SLC22A2: variants seen among roughly 807,000 people sequenced by gnomAD.
SLC22A2 encodes the protein solute carrier family 22 member 2, also known as organic cation transporter 2.
A neutral mutation model predicts 60.5 loss-of-function variants in SLC22A2; 46 were observed. The ratio of observed to expected loss-of-function variants is 0.76; its 90% CI spans 0.60 to 0.97. The LOEUF is 0.97. Ranked by LOEUF, SLC22A2 falls within the 50% of genes least tolerant of loss-of-function variation. SLC22A2 has a pLI of 0.00. For synonymous variants in SLC22A2, 303 were observed against 267.0 expected, an observed-to-expected ratio of 1.13 and a Z score of -1.31; for missense variants, 701 against 706.6, an observed-to-expected ratio of 0.99 and a Z score of 0.09.
Position 160,249,343 on chromosome 6 carries a change from T to G in SLC22A2, c.715A>C (p.Ile239Leu). 1 of 1,613,544 alleles carries G rather than the reference T, an allele frequency of 6.2e-7. No individual in the cohort carries two copies. The highest frequency in any genetic ancestry group is 8.5e-7 in the Non-Finnish European group (1 of 1,179,802). The change falls in exon 4 of 11, where the codon ATT (isoleucine) becomes CTT (leucine). Residue 239 changes from isoleucine (I) to leucine (L), a missense_variant. Transcript: ENST00000366953. ...ACTGTATAGGCAACTTGGTAAAAAATCCCCACTGTTCTCCGATATCTCCGC... is the reference window on the plus strand; with the variant it reads ...ACTGTATAGGCAACTTGGTAAAAAAGCCCCACTGTTCTCCGATATCTCCGC... ...VGRRYRRTVG[I>L]FYQVAYTVGL... is the part of the protein sequence containing the mutation.
chr6:160,236,709 C>T (rs946592710), intron 9 of SLC22A2, among the ~76,000 whole-genome samples: 2 of 152,168 alleles, frequency 1.3e-5, no homozygotes, highest in African/African-American at 4.8e-5. Flanking sequence ...ACCTTGTCTA[C>T]ATAGTCCCTG....
intron 3 of SLC22A2, 51 bp from the exon 4 acceptor site, chr6:160,249,435 G>A: frequency 6.9e-7 from 1 of 1,446,188 alleles, no homozygotes. Context: ...TAATGAGTTG[G>A]CTGTCCAGCT....
intron 9 of SLC22A2, 117 bp downstream of exon 9, chr6:160,241,347 TTACTACTATG>T: frequency 1.6e-6 from 1 of 623,936 alleles, no homozygotes; most frequent in Non-Finnish European, 2.9e-6. Flanking sequence ...AGACACATCA[TTACTACTATG>T]AGTAGTAATT....
In SLC22A2 at chr6:160,231,065, C is replaced by T. The variant is rs189256080; in HGVS notation, c.1502-6261G>A. Among the ~76,000 whole-genome samples, 413 of 151,956 alleles carry T rather than the reference C, an allele frequency of 2.7e-3. 1 individual carries two copies. Among genetic ancestry groups the T allele is most frequent in the South Asian group, 0.016 (78 of 4,810 alleles). On this transcript the variant is annotated intron_variant, in intron 9 of 10. Coordinates refer to ENST00000366953, the MANE Select transcript of SLC22A2 (RefSeq NM_003058.4). ...AGGGTAAGTCCGTCCCCTTCTTAAT[C>T]AATACGGAGGCTACCCACTCCACAT... is the stretch of plus-strand genomic sequence containing the variant.
intron 9 of SLC22A2, among the ~76,000 whole-genome samples, chr6:160,233,801 C>T (rs765238877): frequency 5.3e-5 from 8 of 151,946 alleles, no homozygotes; most frequent in Non-Finnish European, 8.8e-5. Flanking sequence ...TAATTCCACT[C>T]GAACCAGCCC....
chr6:160,252,056 G>C (rs1055356681), intron 2 of SLC22A2, among the ~76,000 whole-genome samples: 1 of 152,094 alleles, frequency 6.6e-6, no homozygotes, highest in African/African-American at 2.4e-5. Context: ...GTGGTTTGCT[G>C]TACCTATCAA....
At chr6:160,234,635 C>A (rs539977980) in intron 9 of SLC22A2, among the ~76,000 whole-genome samples, 2 of 152,214 alleles carry the variant, frequency 1.3e-5, no homozygotes, top group African/African-American at 4.8e-5. Flanking sequence ...AACTTGTAAC[C>A]ACATGGCAGT....
At chr6:160,223,462 C>T (rs975705049) in intron 10 of SLC22A2, among the ~76,000 whole-genome samples, 6 of 152,130 alleles carry the variant, frequency 3.9e-5, no homozygotes, top group Non-Finnish European at 7.4e-5. Flanking sequence ...GCTTTTTCCC[C>T]CATTAGCAAT....
At chr6:160,248,778 C>T (rs1418128103) in intron 4 of SLC22A2, among the ~76,000 whole-genome samples, 1 of 152,144 alleles carries the variant, frequency 6.6e-6, no homozygotes, top group African/African-American at 2.4e-5. Flanking sequence ...TACTGTGATT[C>T]ACTGGGGATG....
chr6:160,233,884 T>G (rs1279935297), intron 9 of SLC22A2, among the ~76,000 whole-genome samples: 1 of 151,788 alleles, frequency 6.6e-6, no homozygotes, highest in Non-Finnish European at 1.5e-5. Flanking sequence ...TACCAATATT[T>G]TGTTTTTTGT....
intron 10 of SLC22A2, among the ~76,000 whole-genome samples, chr6:160,222,921 G>A (rs1438951266): frequency 6.6e-6 from 1 of 152,138 alleles, no homozygotes; most frequent in African/African-American, 2.4e-5. Context: ...TACTTTGTAG[G>A]CCAAAGAAAG....
intron 10 of SLC22A2, among the ~76,000 whole-genome samples, chr6:160,221,055 G>A (rs562991956): frequency 3.9e-5 from 6 of 152,216 alleles, no homozygotes; most frequent in Admixed American, 3.3e-4. Context: ...TTTTTTCCTC[G>A]CTCTTCATGA....
chr6:160,246,162 G>A (rs1032908778), intron 5 of SLC22A2, among the ~76,000 whole-genome samples: 8 of 151,592 alleles, frequency 5.3e-5, no homozygotes, highest in Admixed American at 2.0e-4. Context: ...CACTGCGCCC[G>A]ACCAATTTTT....
intron 9 of SLC22A2, among the ~76,000 whole-genome samples, chr6:160,236,289 C>T (rs955082492): frequency 2.0e-5 from 3 of 152,182 alleles, no homozygotes; most frequent in African/African-American, 7.2e-5. Context: ...CAGGAGTTAA[C>T]TGCATGGACT....
rs1179234255 is a variant in SLC22A2 at position 160,243,609 on chromosome 6, T to C, written c.1242A>G (p.Ala414=). The C allele has an allele frequency of 1.2e-6, 2 of 1,614,018 alleles. No individual in the cohort carries two copies. The highest frequency in any genetic ancestry group is 1.1e-5 in the South Asian group (1 of 91,086). Residue 414 remains alanine (A), a synonymous_variant, in exon 7 of 11, where the codon GCA becomes GCG. Transcript: ENST00000366953. ...AAACTGAGGCCAGACAGGCTGCCCC[T>C]GCAACCATATTTGATGCAGCCCAAG... ...RYPWAASNMV[A]GAACLASVFI...
intron 8 of SLC22A2, among the ~76,000 whole-genome samples, chr6:160,242,091 T>C (rs893528740): frequency 2.0e-5 from 3 of 152,314 alleles, no homozygotes; most frequent in East Asian, 3.9e-4. Flanking sequence ...TTCAATTTTC[T>C]GTTCTCACCA....
intron 10 of SLC22A2, among the ~76,000 whole-genome samples, chr6:160,221,439 C>G (rs1782642941): frequency 6.6e-6 from 1 of 152,218 alleles, no homozygotes; most frequent in African/African-American, 2.4e-5. Flanking sequence ...AAGGCTGTTT[C>G]ATTTCTCATT....
At chr6:160,257,190 C>T (rs761723888) in intron 1 of SLC22A2, among the ~76,000 whole-genome samples, 34 of 152,272 alleles carry the variant, frequency 2.2e-4, no homozygotes, top group Non-Finnish European at 3.7e-4. Flanking sequence ...TTTATTTTTT[C>T]CTTTCTAATT....
intron 4 of SLC22A2, among the ~76,000 whole-genome samples, 179 bp from the exon 5 acceptor site, chr6:160,247,477 G>A (rs765612724): frequency 6.6e-6 from 1 of 151,856 alleles, no homozygotes; most frequent in African/African-American, 2.4e-5. Context: ...CCTCCTCAGG[G>A]ATTTCTAAGC....
Sources: gnomAD v4.1 joint callset for allele counts (sites outside exome capture counted in the v4.1 genomes callset) on GRCh38, gnomAD v4.1.1 for gene constraint, MANE v1.5 for transcripts, NCBI Gene and HGNC (gene_info 2026-07-23, HGNC 2026-07-21) for gene names.